PCDHGA5: variants seen among roughly 807,000 people sequenced by gnomAD.
PCDHGA5 encodes the protein protocadherin gamma-A5.
PCDHGA5 carries 36 observed loss-of-function variants against 56.7 expected under a neutral mutation model. That is an observed-to-expected ratio of 0.64 (90% CI 0.49 to 0.84). PCDHGA5 has a LOEUF of 0.84. Among genes scored for constraint, PCDHGA5 ranks in the 40% least tolerant of loss-of-function variants. The pLI is 0.00. For missense variants in PCDHGA5, 1,305 were observed against 1,201.5 expected, an observed-to-expected ratio of 1.09 and a Z score of -1.27; for synonymous variants, 563 against 520.2, an observed-to-expected ratio of 1.08 and a Z score of -1.12.
chr5:141,428,388 C>A, intron 1 of PCDHGA5: 1 of 506,160 alleles, frequency 2.0e-6, no homozygotes, highest in African/African-American at 1.9e-5. Flanking sequence ...GCTCTTCCAG[C>A]CCCTCTGCCT....
At chr5:141,449,212 GT>G (rs1405401595) in intron 1 of PCDHGA5, among the ~76,000 whole-genome samples, 1 of 152,134 alleles carries the variant, frequency 6.6e-6, no homozygotes, top group African/African-American at 2.4e-5. Context: ...CTAACTTTCT[GT>G]TTTGAAATGA....
intron 1 of PCDHGA5, chr5:141,399,277 G>T: frequency 6.2e-7 from 1 of 1,613,890 alleles, no homozygotes; most frequent in Non-Finnish European, 8.5e-7. Flanking sequence ...TCAATTACAA[G>T]GCGAAGTCCC....
At chr5:141,404,769 A>C (rs528627644) in intron 1 of PCDHGA5, 1 of 1,611,124 alleles carries the variant, frequency 6.2e-7, no homozygotes, top group South Asian at 1.1e-5. Context: ...TGGCTCTCCT[A>C]CCGCCTATTC....
intron 1 of PCDHGA5, chr5:141,414,875 T>G: frequency 6.2e-7 from 1 of 1,614,196 alleles, no homozygotes; most frequent in Non-Finnish European, 8.5e-7. Context: ...CCCGAGATCC[T>G]GTACCCCGCC....
intron 3 of PCDHGA5, among the ~76,000 whole-genome samples, chr5:141,507,571 G>A (rs2099861692): frequency 6.6e-6 from 1 of 152,254 alleles, no homozygotes; most frequent in Non-Finnish European, 1.5e-5. Flanking sequence ...TGGGTCTGAG[G>A]AGATGCCAAG....
intron 1 of PCDHGA5, chr5:141,375,952 G>T (rs1032808913): frequency 1.2e-6 from 2 of 1,613,514 alleles, no homozygotes; most frequent in Non-Finnish European, 1.7e-6. Flanking sequence ...GCCTGCACAC[G>T]GGCGAGGTGC....
At chr5:141,401,900 AATT>A (rs1215744256) in intron 1 of PCDHGA5, among the ~76,000 whole-genome samples, 1 of 152,196 alleles carries the variant, frequency 6.6e-6, no homozygotes, top group Non-Finnish European at 1.5e-5. Flanking sequence ...CTTTTTCCCA[AATT>A]ATTATATAAG....
rs773208585 is a variant in PCDHGA5, at chr5:141,366,384, A to T, written c.2054A>T (p.Glu685Val). ...AGTATCAAGACCCCCATTGACCCTG[A>T]GGATCTGGACCTCACACTCTATCTT... Reference protein sequence around the residue: ...LGSIKTPIDPEDLDLTLYLVV... With the variant: ...LGSIKTPIDPVDLDLTLYLVV... The change falls in exon 1 of 4, where the codon GAG (glutamate) becomes GTG (valine). Residue 685 changes from glutamate (E) to valine (V), a missense_variant. By Grantham distance (121) the Glu-to-Val change is moderately radical. Transcript: ENST00000518069. 2 of 1,614,124 alleles carry T rather than the reference A, an allele frequency of 1.2e-6. No homozygotes were observed. Among genetic ancestry groups the T allele is most frequent in the Admixed American group, 3.3e-5 (2 of 60,020 alleles).
At chr5:141,499,247 A>C (rs908111927) in intron 2 of PCDHGA5, among the ~76,000 whole-genome samples, 1 of 152,036 alleles carries the variant, frequency 6.6e-6, no homozygotes, top group Non-Finnish European at 1.5e-5. Flanking sequence ...CTCTGCACAA[A>C]GAGTCTCCAT....
chr5:141,372,786 T>C (rs765183690), intron 1 of PCDHGA5: 6 of 1,605,480 alleles, frequency 3.7e-6, no homozygotes, highest in Non-Finnish European at 4.3e-6. Context: ...AGAAATGCCT[T>C]CTAATTCAGG....
At chr5:141,469,044 A>C (rs1247890388) in intron 1 of PCDHGA5, among the ~76,000 whole-genome samples, 1 of 152,128 alleles carries the variant, frequency 6.6e-6, no homozygotes, top group East Asian at 1.9e-4. Context: ...TGGGAGGCCA[A>C]GGTGGGAGGA....
At chr5:141,483,937 C>T (rs964918788) in intron 1 of PCDHGA5, among the ~76,000 whole-genome samples, 1 of 130,444 alleles carries the variant, frequency 7.7e-6, no homozygotes, top group African/African-American at 2.9e-5. Flanking sequence ...TAGGTACCTA[C>T]GGTGTGAATT....
At chr5:141,413,631 G>A in intron 1 of PCDHGA5, 4 of 1,613,750 alleles carry the variant, frequency 2.5e-6, no homozygotes, top group Admixed American at 1.7e-5. Context: ...ATGTCGCTGC[G>A]GGAATGCGTT....
chr5:141,381,689 C>A lies in PCDHGA5; in HGVS notation c.2421+14938C>A, dbSNP rs548691945. 4.6e-5 allele frequency among the ~76,000 whole-genome samples: 7 copies of A among 152,268 alleles called. No individual in the cohort carries two copies. In the South Asian group the frequency reaches 1.2e-3, roughly 27 times the overall value. ...AGCTGATTGCTGCAGCCAAGACAAA[C>A]AACGATTTCTTTCTTTTTTTCTCAC... On this transcript the variant is annotated intron_variant, in intron 1 of 3. Transcript: ENST00000518069.
intron 1 of PCDHGA5, chr5:141,399,710 T>C: frequency 6.2e-7 from 1 of 1,613,346 alleles, no homozygotes; most frequent in South Asian, 1.1e-5. Flanking sequence ...GAACTCACAC[T>C]ACAGGCCCGC....
chr5:141,479,211 A>G (rs2099490342), intron 1 of PCDHGA5: 1 of 152,422 alleles, frequency 6.6e-6, no homozygotes, highest in African/African-American at 2.4e-5. Context: ...AAGTATTTAA[A>G]AAATTAAAAC....
Position 141,376,767 on chromosome 5 carries a change from A to G in PCDHGA5, c.2421+10016A>G. The G allele has an allele frequency of 7.0e-6, 3 of 425,754 alleles. No individual in the cohort carries two copies. The South Asian group carries it at 8.7e-5, about 12-fold the overall frequency. 26.4% of individuals were successfully genotyped at this position (425,754 alleles called of 1,614,324 possible). On this transcript the variant is annotated intron_variant, in intron 1 of 3. Coordinates refer to ENST00000518069, the MANE Select transcript of PCDHGA5 (RefSeq NM_018918.3). The stretch of plus-strand genomic sequence containing the variant: ...AGTGGCGCAATCTCGGCTCACTGCA[A>G]GCTCCGCTTCCCGGGTTCACGCCAT...
chr5:141,366,516 GCA>G lies in PCDHGA5; in HGVS notation c.2187_2188del (p.Ser730GlnfsTer51), dbSNP rs1377618630. 6.2e-6 allele frequency: 10 copies of G among 1,614,156 alleles called. No individual in the cohort carries two copies. The highest frequency in any genetic ancestry group is 4.5e-5 in the East Asian group (2 of 44,904). On this transcript the variant is annotated frameshift_variant, in exon 1 of 4. Transcript: ENST00000518069. LOFTEE classifies it high-confidence loss of function. ...AAGTCACGCCTGCTTCAGGCTGAAG[GCA>G]GCAGGTTGGCGGGTGTGCCCGCCTC...
intron 1 of PCDHGA5, among the ~76,000 whole-genome samples, chr5:141,387,227 A>C (rs1220813655): frequency 1.3e-5 from 2 of 152,230 alleles, no homozygotes; most frequent in Non-Finnish European, 2.9e-5. Flanking sequence ...AAGTTGAAAT[A>C]AATCAACTTG....
Sources: allele counts gnomAD v4.1 joint callset (sites outside exome capture counted in the v4.1 genomes callset), GRCh38; gene constraint gnomAD v4.1.1; transcripts MANE v1.5; gene names NCBI Gene and HGNC (gene_info 2026-07-23, HGNC 2026-07-21).